Variants in SOBP observed in about 807,000 individuals in gnomAD.
SOBP encodes the protein sine oculis-binding protein homolog.
A neutral mutation model predicts 53.6 loss-of-function variants in SOBP; 4 were observed. That is an observed-to-expected ratio of 0.07 (90% CI 0.04 to 0.17). The LOEUF (loss-of-function observed/expected upper bound fraction) is 0.17. SOBP is among the 10% of genes least tolerant of loss of function. SOBP has a pLI of 1.00. For missense variants in SOBP, 1,088 were observed against 1,204.7 expected, an observed-to-expected ratio of 0.90 and a Z score of 1.43; for synonymous variants, 584 against 522.6, an observed-to-expected ratio of 1.12 and a Z score of -1.60.
At chr6:107,532,564 C>T (rs1783862246) in intron 3 of SOBP, among the ~76,000 whole-genome samples, 1 of 152,126 alleles carries the variant, frequency 6.6e-6, no homozygotes, top group Admixed American at 6.5e-5. Context: ...ATATCATGGG[C>T]TCATTATGCT....
intron 4 of SOBP, among the ~76,000 whole-genome samples, chr6:107,566,783 C>T (rs1438511697): frequency 6.6e-6 from 1 of 152,192 alleles, no homozygotes; most frequent in Admixed American, 6.5e-5. Flanking sequence ...TTCTAGCTTA[C>T]GTTCCTGAGG....
At chr6:107,563,537 G>A (rs553104622) in intron 4 of SOBP, among the ~76,000 whole-genome samples, 24 of 152,020 alleles carry the variant, frequency 1.6e-4, no homozygotes, top group African/African-American at 5.1e-4. Context: ...TCTAGGAGTG[G>A]AACTAAAATT....
intron 4 of SOBP, among the ~76,000 whole-genome samples, chr6:107,547,174 T>G (rs1225757371): frequency 1.3e-5 from 2 of 152,120 alleles, no homozygotes; most frequent in Non-Finnish European, 2.9e-5. Context: ...TGAGGTAACC[T>G]GACATCAGAT....
intron 4 of SOBP, among the ~76,000 whole-genome samples, chr6:107,548,986 G>T (rs138649160): frequency 1.3e-5 from 2 of 151,944 alleles, no homozygotes; most frequent in South Asian, 4.2e-4. Context: ...CAGATAAACC[G>T]GCCGGGCGCA....
At chr6:107,656,273 C>G (rs1326803389) in intron 6 of SOBP, among the ~76,000 whole-genome samples, 1 of 141,794 alleles carries the variant, frequency 7.1e-6, no homozygotes, top group Non-Finnish European at 1.5e-5. Context: ...GTCACTTATT[C>G]TTGAGAAAGA....
In SOBP at chr6:107,612,898, A is replaced by G. The variant is rs1226191911; in HGVS notation, c.670-20616A>G. Among the ~76,000 whole-genome samples, 7 of 152,300 alleles carry G rather than the reference A, an allele frequency of 4.6e-5. No individual in the cohort carries two copies. In the East Asian group the frequency reaches 1.2e-3, roughly 25 times the overall value. On this transcript the variant is annotated intron_variant, in intron 5 of 6. Coordinates refer to ENST00000317357, the MANE Select transcript of SOBP (RefSeq NM_018013.4). Reference sequence around the variant, plus strand: ...AGCAGAATGTTTTCAAGGTTCCTACATGTTTTAGTATATAGCAATACTTCG... The same window carrying G: ...AGCAGAATGTTTTCAAGGTTCCTACGTGTTTTAGTATATAGCAATACTTCG...
chr6:107,496,746 A>T (rs1782707970), intron 1 of SOBP, among the ~76,000 whole-genome samples: 1 of 152,202 alleles, frequency 6.6e-6, no homozygotes, highest in South Asian at 2.1e-4. Context: ...ATTCACATTG[A>T]TGACCCTCCA....
chr6:107,491,864 A>G (rs1010006195), intron 1 of SOBP, among the ~76,000 whole-genome samples: 3 of 152,160 alleles, frequency 2.0e-5, no homozygotes, highest in Non-Finnish European at 4.4e-5. Flanking sequence ...AGTCAAATTT[A>G]TTGCGCTTTG....
intron 4 of SOBP, among the ~76,000 whole-genome samples, chr6:107,546,234 C>T (rs1269103861): frequency 3.9e-5 from 6 of 152,072 alleles, no homozygotes; most frequent in Non-Finnish European, 8.8e-5. Context: ...AGAAAGATGC[C>T]GTATATGGGC....
At chr6:107,551,428 A>G (rs1784456119) in intron 4 of SOBP, among the ~76,000 whole-genome samples, 1 of 152,204 alleles carries the variant, frequency 6.6e-6, no homozygotes, top group Admixed American at 6.5e-5. Context: ...ACACACACAC[A>G]AACTCATAAC....
At chr6:107,574,996 C>T (rs796362842) in intron 4 of SOBP, among the ~76,000 whole-genome samples, 8 of 152,312 alleles carry the variant, frequency 5.3e-5, no homozygotes, top group East Asian at 1.9e-4. Context: ...GTAATCCCTG[C>T]GGTTTCTGCC....
At chr6:107,534,149 C>G (rs891839664) in intron 4 of SOBP, among the ~76,000 whole-genome samples, 1 of 152,136 alleles carries the variant, frequency 6.6e-6, no homozygotes, top group Non-Finnish European at 1.5e-5. Context: ...ATCATGAATA[C>G]GTGAAACAAC....
intron 6 of SOBP, among the ~76,000 whole-genome samples, chr6:107,646,555 ACTGT>A (rs1771569021): frequency 6.6e-6 from 1 of 152,216 alleles, no homozygotes; most frequent in Admixed American, 6.5e-5. Flanking sequence ...CGATGCCTAG[ACTGT>A]CTGTCCTTAG....
chr6:107,498,756 A>G (rs1260152156), intron 1 of SOBP, among the ~76,000 whole-genome samples: 3 of 152,210 alleles, frequency 2.0e-5, no homozygotes. Context: ...GTTTCCACCT[A>G]TCTTTCTGTG....
In SOBP at chr6:107,633,917, C is replaced by G; in HGVS notation, c.1073C>G (p.Thr358Ser). The G allele has an allele frequency of 6.2e-7, 1 of 1,614,242 alleles. No individual in the cohort carries two copies. Among genetic ancestry groups the G allele is most frequent in the East Asian group, 2.2e-5 (1 of 44,874 alleles). The part of the protein sequence containing the change: ...PVPKSIPISE[T>S]PNIPPVSVQP... ...CCCAAGTCCATCCCCATCAGCGAGA[C>G]TCCAAATATCCCTCCTGTCTCCGTC... is the stretch of plus-strand genomic sequence containing the variant. Residue 358 changes from threonine (T) to serine (S), a missense_variant, in exon 6 of 7, where the codon ACT becomes AGT. Physicochemically the swap from Thr to Ser is moderately conservative, Grantham distance 58 (BLOSUM62 1). Around this residue, in one of 6 missense-constraint regions of SOBP, gnomAD observed 211 missense variants for 258.9 expected, o/e 0.82. Coordinates refer to ENST00000317357, the MANE Select transcript of SOBP (RefSeq NM_018013.4).
chr6:107,494,574 C>T (rs1350253961), intron 1 of SOBP, among the ~76,000 whole-genome samples: 1 of 152,140 alleles, frequency 6.6e-6, no homozygotes, highest in Admixed American at 6.5e-5. Context: ...TTGACAAAAC[C>T]AGCATGATTA....
At chr6:107,652,904 G>A (rs1188594052) in intron 6 of SOBP, among the ~76,000 whole-genome samples, 2 of 151,374 alleles carry the variant, frequency 1.3e-5, no homozygotes, top group Admixed American at 6.6e-5. Flanking sequence ...AATGTAAATT[G>A]TTTTTTAGAC....
chr6:107,542,880 C>T (rs542594838), intron 4 of SOBP, among the ~76,000 whole-genome samples: 2 of 151,890 alleles, frequency 1.3e-5, no homozygotes, highest in African/African-American at 2.4e-5. Context: ...GTCCCCAACC[C>T]GGTAGAGAGG....
chr6:107,598,116 G>T (rs1786014987), intron 5 of SOBP, among the ~76,000 whole-genome samples: 1 of 152,086 alleles, frequency 6.6e-6, no homozygotes, highest in African/African-American at 2.4e-5. Flanking sequence ...AAAGTATAAT[G>T]TAAAATGTGC....
Sources: allele counts gnomAD v4.1 joint callset (sites outside exome capture counted in the v4.1 genomes callset), GRCh38; gene constraint gnomAD v4.1.1; regional missense constraint gnomAD v4.1.1; transcripts MANE v1.5; gene names NCBI Gene and HGNC (gene_info 2026-07-23, HGNC 2026-07-21).